The following VASN variants were observed in gnomAD, a reference collection of about 807,000 sequenced individuals.
VASN encodes vasorin.
In VASN, 5 loss-of-function variants were observed where a neutral mutation model predicts 4.8. The observed-to-expected ratio is 1.03, with a 90% CI of 0.54 to 2.17. The LOEUF (loss-of-function observed/expected upper bound fraction) is 2.17. Ranked by LOEUF, VASN falls within the 30% of genes most tolerant of loss-of-function variation. The pLI is 0.01. For synonymous variants in VASN, 499 were observed against 460.8 expected (o/e 1.08, Z -1.06); for missense variants, 927 against 948.8 (o/e 0.98, Z 0.30).
rs2054832294 is a variant in VASN at position 4,378,515 on chromosome 16, C to G, written c.-9-2354C>G. ...TCACTCACAGCCCACATCTGGAGGC[C>G]AGGCCGCACCCGCCGTCCTCTGAGT... On this transcript the variant is annotated intron_variant, in intron 1 of 1. Transcript: ENST00000304735. 2.0e-5 allele frequency among the ~76,000 whole-genome samples: 3 copies of G among 152,140 alleles called. 1 individual carries two copies. The highest frequency in any genetic ancestry group is 2.0e-4 in the Admixed American group (3 of 15,286).
At position 4,382,516 on chromosome 16, in the gene VASN, G is replaced by T; in HGVS notation, c.1639G>T (p.Glu547Ter). 1 of 1,592,420 alleles carries T rather than the reference G, an allele frequency of 6.3e-7. No homozygotes were observed. Among genetic ancestry groups the T allele is most frequent in the East Asian group, 2.3e-5 (1 of 43,954 alleles). Reference sequence around the variant, plus strand: ...GGGGCCCGGGCGGGTGCCGGAGGGCGAGGAGGCCTGCGGGGAGGCCCATAC... The same window carrying T: ...GGGGCCCGGGCGGGTGCCGGAGGGCTAGGAGGCCTGCGGGGAGGCCCATAC... The part of the protein sequence containing the change: ...PLGPGRVPEG[E>*]EACGEAHTPP... Residue 547 changes from glutamate to a stop codon, truncating the protein, a stop_gained, in exon 2 of 2, where the codon GAG becomes TAG. Coordinates refer to ENST00000304735, the MANE Select transcript of VASN (RefSeq NM_138440.3). LOFTEE classifies it high-confidence loss of function.
In VASN at chr16:4,383,193, G is replaced by T; in HGVS notation, c.*294G>T. 1 of 383,880 alleles carries T rather than the reference G, an allele frequency of 2.6e-6. No individual in the cohort carries two copies. The highest frequency in any genetic ancestry group is 4.8e-6 in the Non-Finnish European group (1 of 207,578). 23.8% of individuals were successfully genotyped at this position (383,880 alleles called of 1,614,324 possible). A position where few individuals can be genotyped will look rare whatever the true frequency, so the allele number is the denominator to read the frequency against. ...GGCACGGCGGGCCCTGCCATGTGCTGGTAACGCATGCCTGGGCCCTGCTGG... is the reference window on the plus strand; with the variant it reads ...GGCACGGCGGGCCCTGCCATGTGCTTGTAACGCATGCCTGGGCCCTGCTGG... On this transcript the variant is annotated 3_prime_UTR_variant, in exon 2 of 2. Transcript: ENST00000304735.
intron 1 of VASN, among the ~76,000 whole-genome samples, chr16:4,375,908 A>G (rs1277423546): frequency 6.6e-6 from 1 of 152,086 alleles, no homozygotes; most frequent in East Asian, 1.9e-4. Context: ...CAGGTGGGAG[A>G]CGGAAGCCCA....
Position 4,382,972 on chromosome 16 carries a change from C to T in VASN, c.*73C>T. The T allele has an allele frequency of 1.4e-6, 2 of 1,414,742 alleles. No homozygotes were observed. Among genetic ancestry groups the T allele is most frequent in the Non-Finnish European group, 1.9e-6 (2 of 1,070,652 alleles). 87.6% of individuals were successfully genotyped at this position (1,414,742 alleles called of 1,614,324 possible). A position where few individuals can be genotyped will look rare whatever the true frequency, so the allele number is the denominator to read the frequency against. On this transcript the variant is annotated 3_prime_UTR_variant, in exon 2 of 2. Coordinates refer to ENST00000304735, the MANE Select transcript of VASN (RefSeq NM_138440.3). ...TGGCCAGCCCCCTCCTGCTGCCACA[C>T]CACGTAAGTTCTCAGTCCCAACCTC... is the stretch of plus-strand genomic sequence containing the variant.
In VASN at chr16:4,382,315, C is replaced by T. The variant is rs376196822; in HGVS notation, c.1438C>T (p.Leu480=). The T allele has an allele frequency of 5.2e-5, 83 of 1,610,866 alleles. No individual in the cohort carries two copies. Among genetic ancestry groups the T allele is most frequent in the Non-Finnish European group, 6.7e-5 (79 of 1,179,312 alleles). ...PVSPTSLRVG[L]QRYLQGSSVQ... is the part of the protein sequence containing the mutation. The stretch of plus-strand genomic sequence containing the variant: ...GAGCCCCACCTCCCTGCGCGTGGGG[C>T]TGCAGCGCTACCTCCAGGGGAGCTC... Residue 480 remains leucine, a synonymous_variant, in exon 2 of 2, where the codon CTG becomes TTG. Coordinates refer to ENST00000304735, the MANE Select transcript of VASN (RefSeq NM_138440.3).
At chr16:4,373,712 C>A (rs1297889777) in intron 1 of VASN, among the ~76,000 whole-genome samples, 2 of 152,132 alleles carry the variant, frequency 1.3e-5, no homozygotes, top group Non-Finnish European at 2.9e-5. Context: ...AAAATTAAGT[C>A]CTTGCCTGGG....
chr16:4,381,019 C>T lies in VASN; in HGVS notation c.142C>T (p.Arg48Ter), dbSNP rs753171464. 1.2e-6 allele frequency: 2 copies of T among 1,609,554 alleles called. No homozygotes were observed. The highest frequency in any genetic ancestry group is 1.1e-5 in the South Asian group (1 of 90,594). ...CTARQGTTVP[R>*]DVPPDTVGLY... ...TGCCCGCCAGGGGACCACGGTGCCC[C>T]GAGACGTGCCACCCGACACGGTGGG... is the stretch of plus-strand genomic sequence containing the variant. Residue 48 changes from arginine to a stop codon, truncating the protein, a stop_gained, in exon 2 of 2, where the codon CGA becomes TGA. Transcript: ENST00000304735. LOFTEE classifies it low-confidence loss of function (END_TRUNC).
At chr16:4,374,057 G>A (rs1475740259) in intron 1 of VASN, among the ~76,000 whole-genome samples, 5 of 152,126 alleles carry the variant, frequency 3.3e-5, no homozygotes, top group Non-Finnish European at 7.4e-5. Flanking sequence ...TGGAATTTGC[G>A]TGAGTTCTTG....
rs370311116 is a variant in VASN, at chr16:4,382,882, G to A, written c.2005G>A (p.Ala669Thr). 12 of 1,543,766 alleles carry A rather than the reference G, an allele frequency of 7.8e-6. No homozygotes were observed. Among genetic ancestry groups the A allele is most frequent in the Admixed American group, 2.0e-5 (1 of 49,816 alleles). The change falls in exon 2 of 2, where the codon GCA becomes ACA. Residue 669 changes from alanine (A) to threonine (T), a missense_variant. Transcript: ENST00000304735. Reference protein sequence around the residue: ...PGPGLQSPLHAKPYI With the variant: ...PGPGLQSPLHTKPYI ...GCCTGGCCTCCAGTCACCCCTCCAC[G>A]CAAAGCCCTACATCTAAGCCAGAGA...
In VASN at chr16:4,381,294, C is replaced by T; in HGVS notation, c.417C>T (p.Ile139=). The T allele has an allele frequency of 6.2e-7, 1 of 1,612,414 alleles. No individual in the cohort carries two copies. Among genetic ancestry groups the T allele is most frequent in the Non-Finnish European group, 8.5e-7 (1 of 1,179,802 alleles). ...LYLGKNRIRH[I]QPGAFDTLDR... ...TGGGCAAGAACCGCATCCGCCACAT[C>T]CAGCCTGGTGCCTTCGACACGCTCG... Residue 139 remains isoleucine, a synonymous_variant, in exon 2 of 2, where the codon ATC becomes ATT. Transcript: ENST00000304735.
Position 4,381,360 on chromosome 16 carries a change from G to A in VASN, c.483G>A (p.Arg161=). The A allele has an allele frequency of 1.3e-6, 2 of 1,597,890 alleles. No homozygotes were observed. The highest frequency in any genetic ancestry group is 1.7e-4 in the Middle Eastern group (1 of 6,042). Residue 161 remains arginine (R), a synonymous_variant, in exon 2 of 2, where the codon CGG becomes CGA. Transcript: ENST00000304735. The stretch of plus-strand genomic sequence containing the variant: ...TCAAGCTGCAGGACAACGAGCTGCG[G>A]GCACTGCCCCCGCTGCGCCTGCCCC... ...LELKLQDNEL[R]ALPPLRLPRL...
chr16:4,381,603 G>A lies in VASN; in HGVS notation c.726G>A (p.Thr242=), dbSNP rs1483772559. The A allele has an allele frequency of 6.3e-6, 10 of 1,599,072 alleles. No homozygotes were observed. The highest frequency in any genetic ancestry group is 1.7e-5 in the Admixed American group (1 of 58,072). ...TGATCCGAGGCCTCCGGGGCCTGACGCGCCTGCGGCTGGCCGGCAACACCC... is the reference window on the plus strand; with the variant it reads ...TGATCCGAGGCCTCCGGGGCCTGACACGCCTGCGGCTGGCCGGCAACACCC... ...PPVIRGLRGL[T]RLRLAGNTRI... The change falls in exon 2 of 2, where the codon ACG becomes ACA. Residue 242 remains threonine (T), a synonymous_variant. Coordinates refer to ENST00000304735, the MANE Select transcript of VASN (RefSeq NM_138440.3).
rs1390525560 is a variant in VASN at position 4,382,541 on chromosome 16, C to T, written c.1664C>T (p.Thr555Ile). Reference protein sequence around the residue: ...EGEEACGEAHTPPAVHSNHAP... With the variant: ...EGEEACGEAHIPPAVHSNHAP... ...GAGGAGGCCTGCGGGGAGGCCCATA[C>T]ACCCCCAGCCGTCCACTCCAACCAC... The change falls in exon 2 of 2, where the codon ACA (threonine) becomes ATA (isoleucine). Residue 555 changes from threonine to isoleucine, a missense_variant. Transcript: ENST00000304735. The T allele has an allele frequency of 3.8e-6, 6 of 1,591,992 alleles. No individual in the cohort carries two copies. Among genetic ancestry groups the T allele is most frequent in the African/African-American group, 1.3e-5 (1 of 74,608 alleles).
chr16:4,374,086 C>CGTGTGTGT (rs112578905), intron 1 of VASN, among the ~76,000 whole-genome samples: 1 of 148,702 alleles, frequency 6.7e-6, no homozygotes, highest in African/African-American at 2.5e-5. Context: ...GGAGGGTGCA[C>CGTGTGTGT]GTGTGTGTGT....
intron 1 of VASN, among the ~76,000 whole-genome samples, chr16:4,377,295 A>G (rs2054770246): frequency 8.2e-6 from 1 of 122,056 alleles, no homozygotes; most frequent in Non-Finnish European, 1.6e-5. Context: ...AAAAGGTCTC[A>G]CCTCCCTGCC....
rs2141250725 is a variant in VASN, at chr16:4,382,749, G to A, written c.1872G>A (p.Leu624=). 1.9e-6 allele frequency: 3 copies of A among 1,558,860 alleles called. No individual in the cohort carries two copies. The South Asian group carries it at 3.5e-5, about 18-fold the overall frequency. ...GGCCAGGGGCTGGGCCCCTGGAACT[G>A]GAGGGAGTGAAGGTCCCCTTGGAGC... ...QVGPGAGPLE[L]EGVKVPLEPG... is the part of the protein sequence containing the mutation. Residue 624 remains leucine, a synonymous_variant, in exon 2 of 2, where the codon CTG becomes CTA. Transcript: ENST00000304735.
chr16:4,382,915 G>C lies in VASN; in HGVS notation c.*16G>C. ...CTACATCTAAGCCAGAGAGAGACAGGGCAGCTGGGGCCGGGCTCTCAGCCA... is the reference window on the plus strand; with the variant it reads ...CTACATCTAAGCCAGAGAGAGACAGCGCAGCTGGGGCCGGGCTCTCAGCCA... On this transcript the variant is annotated 3_prime_UTR_variant, in exon 2 of 2. Transcript: ENST00000304735. The C allele has an allele frequency of 6.7e-7, 1 of 1,482,638 alleles. No homozygotes were observed. The highest frequency in any genetic ancestry group is 9.0e-7 in the Non-Finnish European group (1 of 1,117,286). 91.8% of individuals were successfully genotyped at this position (1,482,638 alleles called of 1,614,324 possible).
Position 4,383,498 on chromosome 16 carries a change from T to C in VASN, c.*599T>C, listed in dbSNP as rs2141253036. ...GACAAACGATGATATGAAGGCCTTT[T>C]GTAAGAAAAAATAAAAGATGAAGTG... On this transcript the variant is annotated 3_prime_UTR_variant, in exon 2 of 2. Transcript: ENST00000304735. 1 of 167,158 alleles carries C rather than the reference T, an allele frequency of 6.0e-6. No individual in the cohort carries two copies. The highest frequency in any genetic ancestry group is 1.5e-5 in the Non-Finnish European group (1 of 68,110). The allele number at this position is 167,158 out of a possible 1,614,324, so 10.4% of individuals were successfully genotyped here. A position where few individuals can be genotyped will look rare whatever the true frequency, so the allele number is the denominator to read the frequency against.
rs1304838505 is a variant in VASN at position 4,383,419 on chromosome 16, T to C, written c.*520T>C. On this transcript the variant is annotated 3_prime_UTR_variant, in exon 2 of 2. Transcript: ENST00000304735. ...ATATTTATAAGAGATCCTTTCCCAT[T>C]TATTCTGGGAAGATGTTTTTCAAAC... is the stretch of plus-strand genomic sequence containing the variant. 1.8e-5 allele frequency: 3 copies of C among 167,320 alleles called. No homozygotes were observed. The highest frequency in any genetic ancestry group is 2.9e-5 in the Non-Finnish European group (2 of 68,334). 10.4% of individuals were successfully genotyped at this position (167,320 alleles called of 1,614,324 possible). A position where few individuals can be genotyped will look rare whatever the true frequency, so the allele number is the denominator to read the frequency against.
Sources: gnomAD v4.1 joint callset for allele counts (sites outside exome capture counted in the v4.1 genomes callset) on GRCh38, gnomAD v4.1.1 for gene constraint, MANE v1.5 for transcripts, NCBI Gene and HGNC (gene_info 2026-07-23, HGNC 2026-07-21) for gene names.